Variants in ARHGAP22 observed in about 807,000 individuals in gnomAD.
ARHGAP22 encodes the protein Rho GTPase activating protein 22.
ARHGAP22 carries 48 observed loss-of-function variants against 59.1 expected under a neutral mutation model. The ratio of observed to expected loss-of-function variants is 0.81; its 90% confidence interval spans 0.64 to 1.03. ARHGAP22 has a LOEUF of 1.03. Ranked by LOEUF, ARHGAP22 falls within the 50% of genes least tolerant of loss-of-function variation. The pLI, the probability that ARHGAP22 is intolerant of heterozygous loss-of-function variation, is 0.00. For missense variants in ARHGAP22, 1,015 were observed against 958.7 expected, an observed-to-expected ratio of 1.06 and a Z score of -0.78; for synonymous variants, 445 against 416.4, an observed-to-expected ratio of 1.07 and a Z score of -0.84.
At chr10:48,648,451 C>T (rs777514457) in intron 1 of ARHGAP22, among the ~76,000 whole-genome samples, 1 of 152,040 alleles carries the variant, frequency 6.6e-6, no homozygotes, top group Non-Finnish European at 1.5e-5. Context: ...TAACTGCTGA[C>T]GTGAGACCAT....
At chr10:48,455,801 C>T (rs1173151095) in intron 5 of ARHGAP22, among the ~76,000 whole-genome samples, 1 of 152,244 alleles carries the variant, frequency 6.6e-6, no homozygotes, top group Admixed American at 6.5e-5. Context: ...TGCAGGGCTG[C>T]TGGCTCCTTG....
upstream of ARHGAP22, among the ~76,000 whole-genome samples, chr10:48,655,035 T>A (rs572543962): frequency 4.0e-3 from 246 of 61,376 alleles, 34 homozygotes; most frequent in Middle Eastern, 0.019. Flanking sequence ...TCTTTCATTC[T>A]TTCTTTCTTT....
chr10:48,573,460 G>T (rs761438669), intron 2 of ARHGAP22, among the ~76,000 whole-genome samples: 2 of 152,176 alleles, frequency 1.3e-5, no homozygotes, highest in African/African-American at 4.8e-5. Context: ...TTAGACACCA[G>T]GTATTCGTGG....
chr10:48,599,231 C>A (rs756327769), intron 1 of ARHGAP22, among the ~76,000 whole-genome samples: 1 of 152,166 alleles, frequency 6.6e-6, no homozygotes, highest in Non-Finnish European at 1.5e-5. Flanking sequence ...TACCATGGAC[C>A]GAGAAATGTT....
intron 3 of ARHGAP22, among the ~76,000 whole-genome samples, chr10:48,547,621 C>A (rs542546053): frequency 2.0e-5 from 3 of 152,252 alleles, no homozygotes; most frequent in East Asian, 1.9e-4. Context: ...GTACCCTTCA[C>A]CTCCTTCTGC....
At chr10:48,531,664 TACAGAGAAGTGAGGGCACC>T (rs2054859080) in intron 3 of ARHGAP22, among the ~76,000 whole-genome samples, 2 of 4,216 alleles carry the variant, frequency 4.7e-4, no homozygotes, top group Non-Finnish European at 1.4e-3. Flanking sequence ...GGCACCGAAG[TACAGAGAAGTGAGGGCACC>T]GAAGTACAGA....
intron 3 of ARHGAP22, among the ~76,000 whole-genome samples, chr10:48,552,666 G>A (rs1204384100): frequency 6.6e-6 from 1 of 152,214 alleles, no homozygotes. Context: ...CTCCCTAATG[G>A]CAGAGACTGA....
At chr10:48,633,804 C>T (rs2061710845) in intron 1 of ARHGAP22, among the ~76,000 whole-genome samples, 1 of 152,064 alleles carries the variant, frequency 6.6e-6, no homozygotes, top group South Asian at 2.1e-4. Context: ...TTAATAGAGA[C>T]AGGATCATTC....
intron 3 of ARHGAP22, among the ~76,000 whole-genome samples, chr10:48,530,315 C>A (rs1476754231): frequency 3.5e-5 from 5 of 144,406 alleles, no homozygotes; most frequent in Non-Finnish European, 6.0e-5. Context: ...TGTAAAAATT[C>A]TAGAAGATAA....
chr10:48,446,489 C>T lies in ARHGAP22; in HGVS notation c.1999G>A (p.Glu667Lys). 6.2e-7 allele frequency: 1 copy of T among 1,614,268 alleles called. No homozygotes were observed. The highest frequency in any genetic ancestry group is 1.7e-5 in the Admixed American group (1 of 60,028). Reference sequence around the variant, plus strand: ...CTCTGCAACAGCTGGTTCCTCCTCTCCGCATCCTCCCGCGCCCGTTCAGAG... The same window carrying T: ...CTCTGCAACAGCTGGTTCCTCCTCTTCGCATCCTCCCGCGCCCGTTCAGAG... ...RNSERAREDAERRNQLLQREM... is the reference protein window; with the variant it reads ...RNSERAREDAKRRNQLLQREM... Residue 667 changes from glutamate (E) to lysine (K), a missense_variant, in exon 10 of 10, where the codon GAG becomes AAG. Transcript: ENST00000249601.
At chr10:48,642,430 A>G (rs1345223407) in intron 1 of ARHGAP22, among the ~76,000 whole-genome samples, 1 of 151,962 alleles carries the variant, frequency 6.6e-6, no homozygotes, top group East Asian at 1.9e-4. Flanking sequence ...CAGAAATAAC[A>G]CCACACATCT....
chr10:48,501,623 C>T (rs1272775631), intron 3 of ARHGAP22, among the ~76,000 whole-genome samples: 1 of 152,070 alleles, frequency 6.6e-6, no homozygotes, highest in African/African-American at 2.4e-5. Flanking sequence ...CAATCTATTC[C>T]TAGAAATTTA....
intron 6 of ARHGAP22, 102 bp downstream of exon 6, chr10:48,454,900 T>C: frequency 8.8e-7 from 1 of 1,139,940 alleles, no homozygotes; most frequent in Non-Finnish European, 1.1e-6. Flanking sequence ...ACAGGATCCA[T>C]GTGCCATGAA....
At chr10:48,439,278 G>A in the ARHGAP22 span, 1 of 148,542 alleles carries the variant, frequency 6.7e-6, no homozygotes, top group Non-Finnish European at 1.5e-5. Flanking sequence ...TGCACCACTG[G>A]AATGTAAACA....
chr10:48,504,329 A>G (rs1380040473), intron 3 of ARHGAP22, among the ~76,000 whole-genome samples: 4 of 152,198 alleles, frequency 2.6e-5, no homozygotes, highest in Non-Finnish European at 5.9e-5. Context: ...GGTACTTCCC[A>G]AGACTCTGGT....
At chr10:48,545,271 C>T (rs2056330852) in intron 3 of ARHGAP22, among the ~76,000 whole-genome samples, 1 of 152,206 alleles carries the variant, frequency 6.6e-6, no homozygotes, top group South Asian at 2.1e-4. Flanking sequence ...AAGAGCGCTG[C>T]TCTAGGACAC....
At chr10:48,573,005 C>T (rs553537402) in intron 2 of ARHGAP22, among the ~76,000 whole-genome samples, 1 of 152,270 alleles carries the variant, frequency 6.6e-6, no homozygotes. Flanking sequence ...TGCAGAGTTG[C>T]TGTGGGAATT....
intron 1 of ARHGAP22, among the ~76,000 whole-genome samples, chr10:48,626,504 G>C (rs958849175): frequency 6.6e-6 from 1 of 152,222 alleles, no homozygotes; most frequent in Admixed American, 6.5e-5. Flanking sequence ...TTTGCCTTCA[G>C]AATTGAAGCT....
chr10:48,436,904 A>G, the ARHGAP22 span: 1 of 152,352 alleles, frequency 6.6e-6, no homozygotes, highest in East Asian at 1.9e-4. Context: ...TCACAATTTC[A>G]GCAGAAATTT....
Sources: allele counts gnomAD v4.1 joint callset (sites outside exome capture counted in the v4.1 genomes callset), GRCh38; gene constraint gnomAD v4.1.1; transcripts MANE v1.5; gene names NCBI Gene and HGNC (gene_info 2026-07-23, HGNC 2026-07-21).